The following NPAT variants were observed in gnomAD, a reference collection of about 807,000 sequenced individuals.
NPAT encodes nuclear protein, coactivator of histone transcription.
NPAT carries 52 observed loss-of-function variants against 130.7 expected under a neutral mutation model. The ratio of observed to expected loss-of-function variants is 0.40; its 90% CI spans 0.32 to 0.50. The LOEUF (loss-of-function observed/expected upper bound fraction) is 0.50. Ranked by LOEUF, NPAT falls within the 20% of genes least tolerant of loss-of-function variation. The probability of loss-of-function intolerance (pLI) is 0.68; values close to 1 mark genes in which losing one functional copy is unlikely to be tolerated. For synonymous variants in NPAT, 580 were observed against 584.8 expected (o/e 0.99, Z 0.12); for missense variants, 1,687 against 1,662.6 (o/e 1.01, Z -0.26).
intron 1 of NPAT, among the ~76,000 whole-genome samples, chr11:108,213,199 G>C (rs1762635305): frequency 1.3e-5 from 2 of 151,978 alleles, no homozygotes; most frequent in South Asian, 4.2e-4. Flanking sequence ...CTTGAACCCG[G>C]GAGGCAGAGG....
chr11:108,178,437 T>C (rs886964927), intron 10 of NPAT, among the ~76,000 whole-genome samples: 16 of 152,324 alleles, frequency 1.1e-4, no homozygotes, highest in African/African-American at 3.8e-4. Context: ...TGTGTGTGTG[T>C]GTTCATGAAT....
intron 1 of NPAT, among the ~76,000 whole-genome samples, chr11:108,200,094 C>T (rs1380100449): frequency 3.3e-5 from 5 of 152,194 alleles, no homozygotes; most frequent in Non-Finnish European, 5.9e-5. Context: ...TGAAGGAATC[C>T]ATTTGCATTG....
chr11:108,193,706 C>T (rs2078192822), intron 3 of NPAT, among the ~76,000 whole-genome samples: 1 of 151,876 alleles, frequency 6.6e-6, no homozygotes, highest in South Asian at 2.1e-4. Flanking sequence ...GCCTGGGCAA[C>T]AAGATTGAAA....
intron 10 of NPAT, among the ~76,000 whole-genome samples, chr11:108,182,381 C>T (rs965385957): frequency 1.3e-5 from 2 of 152,224 alleles, no homozygotes; most frequent in African/African-American, 4.8e-5. Flanking sequence ...CCTTATTATC[C>T]TGTTTGTAGC....
At position 108,186,527 on chromosome 11, in the gene NPAT, T is replaced by C. The variant is rs1270755879; in HGVS notation, c.681A>G (p.Ser227=). 1.2e-5 allele frequency: 20 copies of C among 1,614,004 alleles called. No homozygotes were observed. Among genetic ancestry groups the C allele is most frequent in the Non-Finnish European group, 1.7e-5 (20 of 1,179,998 alleles). Residue 227 remains serine, a synonymous_variant, in exon 8 of 18, where the codon TCA becomes TCG. Coordinates refer to ENST00000278612, the MANE Select transcript of NPAT (RefSeq NM_002519.3). ...RKSTTLSGPH[S]TIRNFQDPNA... ...TTGGATCTTGGAAATTCCGTATTGT[T>C]GAATGAGGGCCAGACAAAGTGGTAC...
intron 12 of NPAT, among the ~76,000 whole-genome samples, chr11:108,174,810 G>T (rs1035926001): frequency 1.3e-5 from 2 of 151,890 alleles, no homozygotes; most frequent in Non-Finnish European, 2.9e-5. Flanking sequence ...GTAGAGGCGC[G>T]GTTTCACCGT....
chr11:108,197,944 G>A (rs1025077815), intron 1 of NPAT, among the ~76,000 whole-genome samples: 1 of 152,198 alleles, frequency 6.6e-6, no homozygotes, highest in African/African-American at 2.4e-5. Flanking sequence ...GGGAATCAAA[G>A]CATTATCAAT....
intron 13 of NPAT, among the ~76,000 whole-genome samples, chr11:108,170,964 G>A (rs2077944406): frequency 6.6e-6 from 1 of 152,046 alleles, no homozygotes; most frequent in Non-Finnish European, 1.5e-5. Flanking sequence ...AAAGAGGGAA[G>A]CTTGGGAACC....
intron 1 of NPAT, among the ~76,000 whole-genome samples, chr11:108,220,856 C>G (rs924781301): frequency 6.6e-6 from 1 of 152,044 alleles, no homozygotes; most frequent in African/African-American, 2.4e-5. Flanking sequence ...AAATGAATTG[C>G]GAGGACAACT....
intron 1 of NPAT, among the ~76,000 whole-genome samples, chr11:108,222,224 C>T (rs1360161368): frequency 6.6e-6 from 1 of 152,188 alleles, no homozygotes; most frequent in East Asian, 1.9e-4. Context: ...GTGTGGAGGC[C>T]TGACTTTCCT....
chr11:108,191,756 G>A (rs568035130), intron 4 of NPAT, among the ~76,000 whole-genome samples: 3 of 152,242 alleles, frequency 2.0e-5, no homozygotes, highest in Admixed American at 6.5e-5. Context: ...AAACCAAGTG[G>A]GCATGGGTTC....
intron 1 of NPAT, among the ~76,000 whole-genome samples, chr11:108,221,206 G>A (rs1031830632): frequency 6.6e-6 from 1 of 152,088 alleles, no homozygotes; most frequent in African/African-American, 2.4e-5. Flanking sequence ...GTGGGGAACG[G>A]GTGTCCTACT....
chr11:108,176,873 T>G (rs998524816), intron 11 of NPAT, 121 bp downstream of exon 11: 1 of 678,132 alleles, frequency 1.5e-6, no homozygotes. Flanking sequence ...ATATAATGTT[T>G]GATGAAATGA....
chr11:108,202,689 C>T (rs967071564), intron 1 of NPAT, among the ~76,000 whole-genome samples: 9 of 152,082 alleles, frequency 5.9e-5, no homozygotes, highest in African/African-American at 1.9e-4. Flanking sequence ...GAAATAATCC[C>T]CTCAAGCAAC....
At position 108,161,159 on chromosome 11, in the gene NPAT, G is replaced by A; in HGVS notation, c.3927C>T (p.Val1309=). The A allele has an allele frequency of 6.2e-7, 1 of 1,614,156 alleles. No homozygotes were observed. The highest frequency in any genetic ancestry group is 1.1e-5 in the South Asian group (1 of 91,060). The part of the protein sequence containing the change: ...SSTSKVMVPP[V]TPDLPACSPA... ...GGCTGCAGGCAGGCAAGTCTGGGGTGACAGGAGGGACCATTACTTTTGATG... is the reference window on the plus strand; with the variant it reads ...GGCTGCAGGCAGGCAAGTCTGGGGTAACAGGAGGGACCATTACTTTTGATG... Residue 1309 remains valine (V), a synonymous_variant, in exon 17 of 18, where the codon GTC becomes GTT. Coordinates refer to ENST00000278612, the MANE Select transcript of NPAT (RefSeq NM_002519.3).
chr11:108,188,062 G>A lies in NPAT; in HGVS notation c.638+36C>T, dbSNP rs1555043686. 20 of 1,323,764 alleles carry A rather than the reference G, an allele frequency of 1.5e-5. 2 individuals carry two copies. Among genetic ancestry groups the A allele is most frequent in the Middle Eastern group, 3.6e-4 (2 of 5,530 alleles). 82.0% of individuals were successfully genotyped at this position (1,323,764 alleles called of 1,614,324 possible). ...TAATTCTTTTTTTTTTTTTTTAATGGATACGGGTAACTTGTCTCTTTTAAA... is the reference window on the plus strand; with the variant it reads ...TAATTCTTTTTTTTTTTTTTTAATGAATACGGGTAACTTGTCTCTTTTAAA... On this transcript the variant is annotated intron_variant, in intron 7 of 17. Coordinates refer to ENST00000278612, the MANE Select transcript of NPAT (RefSeq NM_002519.3).
chr11:108,169,667 A>G (rs891636656), intron 15 of NPAT, 77 bp downstream of exon 15: 14 of 1,062,360 alleles, frequency 1.3e-5, no homozygotes, highest in Admixed American at 1.0e-4. Context: ...GTATTCAGAA[A>G]GAAAACATTT....
rs188855175 is a variant in NPAT at position 108,181,690 on chromosome 11, A to C, written c.906+3542T>G. On this transcript the variant is annotated intron_variant, in intron 10 of 17. Coordinates refer to ENST00000278612, the MANE Select transcript of NPAT (RefSeq NM_002519.3). The stretch of plus-strand genomic sequence containing the variant: ...CTTGTTGTTCATTTTCCTTTATATC[A>C]CACTAATTTTGCATCCAAGGAAAGG... 5.3e-5 allele frequency among the ~76,000 whole-genome samples: 8 copies of C among 151,724 alleles called. No individual in the cohort carries two copies. In the East Asian group the frequency reaches 1.6e-3, roughly 29 times the overall value.
At chr11:108,177,147 A>G (rs1046010292) in intron 10 of NPAT, 57 bp from the exon 11 acceptor site, 40 of 752,124 alleles carry the variant, frequency 5.3e-5, no homozygotes, top group South Asian at 4.6e-4. Context: ...ATATATTTAC[A>G]TATTATATAT....
Sources: gnomAD v4.1 joint callset for allele counts (sites outside exome capture counted in the v4.1 genomes callset) on GRCh38, gnomAD v4.1.1 for gene constraint, MANE v1.5 for transcripts, NCBI Gene and HGNC (gene_info 2026-07-23, HGNC 2026-07-21) for gene names.